Variants in ACAP2 observed in about 807,000 individuals in gnomAD.
ACAP2 encodes ArfGAP with coiled-coil, ankyrin repeat and PH domains 2, also known as arf-GAP with coiled-coil, ANK repeat and PH domain-containing protein 2.
ACAP2 carries 39 observed loss-of-function variants against 115.8 expected under a neutral mutation model. The observed-to-expected ratio is 0.34, with a 90% confidence interval of 0.26 to 0.44. ACAP2 has a LOEUF of 0.44. Ranked by LOEUF, ACAP2 falls within the 20% of genes least tolerant of loss-of-function variation. The pLI is 1.00. For missense variants in ACAP2, 662 were observed against 927.6 expected, an observed-to-expected ratio of 0.71 and a Z score of 3.72; for synonymous variants, 289 against 315.8, an observed-to-expected ratio of 0.92 and a Z score of 0.90.
chr3:195,320,261 C>T (rs1729363935), intron 10 of ACAP2, among the ~76,000 whole-genome samples: 1 of 151,970 alleles, frequency 6.6e-6, no homozygotes, highest in Non-Finnish European at 1.5e-5. Context: ...TAAGCAAACA[C>T]TAAGTAAAAA....
chr3:195,363,287 T>C (rs1221382748), intron 4 of ACAP2, among the ~76,000 whole-genome samples: 1 of 152,224 alleles, frequency 6.6e-6, no homozygotes, highest in East Asian at 1.9e-4. Flanking sequence ...TGCAAAATGT[T>C]GAAGAGGACA....
intron 6 of ACAP2, among the ~76,000 whole-genome samples, chr3:195,337,718 A>C (rs1438171383): frequency 2.0e-5 from 3 of 152,210 alleles, no homozygotes; most frequent in Non-Finnish European, 4.4e-5. Flanking sequence ...AAGTGCTGGA[A>C]CTACAGGCGT....
rs918322197 is a variant in ACAP2, at chr3:195,346,340, G to A, written c.286-1023C>T. Reference sequence around the variant, plus strand: ...AGAATCAAAAAATTTGGTTCTTAGCGAATATTATAAAATTGATAAACCTCT... The same window carrying A: ...AGAATCAAAAAATTTGGTTCTTAGCAAATATTATAAAATTGATAAACCTCT... On this transcript the variant is annotated intron_variant, in intron 4 of 22. Coordinates refer to ENST00000326793, the MANE Select transcript of ACAP2 (RefSeq NM_012287.6). Among the ~76,000 whole-genome samples, 4 of 152,102 alleles carry A rather than the reference G, an allele frequency of 2.6e-5. No individual in the cohort carries two copies. The East Asian group carries it at 5.8e-4, about 22-fold the overall frequency.
At chr3:195,383,491 T>C (rs981646694) in intron 2 of ACAP2, among the ~76,000 whole-genome samples, 2 of 151,924 alleles carry the variant, frequency 1.3e-5, no homozygotes, top group East Asian at 1.9e-4. Flanking sequence ...AGAAATTAAA[T>C]TGTATTACAG....
intron 19 of ACAP2, 78 bp from the exon 20 acceptor site, chr3:195,291,893 T>C (rs1173635583): frequency 9.6e-6 from 12 of 1,247,558 alleles, no homozygotes; most frequent in African/African-American, 1.5e-5. Context: ...TAAAAACAAT[T>C]GGTTTTCGTT....
At chr3:195,398,766 G>C (rs146375469) in intron 1 of ACAP2, among the ~76,000 whole-genome samples, 64 of 152,234 alleles carry the variant, frequency 4.2e-4, no homozygotes, top group African/African-American at 1.5e-3. Context: ...TACAAATGTT[G>C]TAACTGCTCC....
At chr3:195,291,907 C>T in intron 19 of ACAP2, 92 bp from the exon 20 acceptor site, 1 of 1,067,506 alleles carries the variant, frequency 9.4e-7, no homozygotes, top group Non-Finnish European at 1.3e-6. Flanking sequence ...TTTCGTTACT[C>T]AAATAGCATT....
chr3:195,335,114 T>A (rs1730417302), intron 7 of ACAP2, among the ~76,000 whole-genome samples: 1 of 152,214 alleles, frequency 6.6e-6, no homozygotes, highest in South Asian at 2.1e-4. Flanking sequence ...GAAAATTATA[T>A]GAAATTCAAA....
intron 9 of ACAP2, chr3:195,326,194 TTA>T (rs1729782336): frequency 6.6e-6 from 1 of 152,240 alleles, no homozygotes; most frequent in African/African-American, 2.4e-5. Context: ...CTGTGCGTAC[TTA>T]TATTTCTATA....
intron 4 of ACAP2, among the ~76,000 whole-genome samples, chr3:195,350,542 A>G (rs374056262): frequency 5.3e-5 from 8 of 151,854 alleles, no homozygotes; most frequent in African/African-American, 1.7e-4. Flanking sequence ...CCAGCTACTC[A>G]GGAGGCTAAG....
chr3:195,416,375 C>T (rs903302881), intron 1 of ACAP2, among the ~76,000 whole-genome samples: 1 of 151,314 alleles, frequency 6.6e-6, no homozygotes, highest in South Asian at 2.1e-4. Context: ...ACATCACCAT[C>T]GGTTAAGAAA....
chr3:195,427,212 A>C (rs1488685508), intron 1 of ACAP2, among the ~76,000 whole-genome samples: 1 of 152,168 alleles, frequency 6.6e-6, no homozygotes, highest in Non-Finnish European at 1.5e-5. Flanking sequence ...GGTATAAAAA[A>C]CTAAAATAAA....
At chr3:195,330,921 T>C (rs1479578062) in intron 8 of ACAP2, among the ~76,000 whole-genome samples, 1 of 152,214 alleles carries the variant, frequency 6.6e-6, no homozygotes, top group Non-Finnish European at 1.5e-5. Flanking sequence ...CAGCTAAAGC[T>C]TGATTAGCCA....
At chr3:195,291,095 G>A (rs1727223315) in intron 20 of ACAP2, among the ~76,000 whole-genome samples, 1 of 152,200 alleles carries the variant, frequency 6.6e-6, no homozygotes, top group African/African-American at 2.4e-5. Flanking sequence ...CGGATACCCT[G>A]AGATATCTTA....
chr3:195,342,690 T>C (rs776864151), intron 5 of ACAP2, 36 bp from the exon 6 acceptor site: 6 of 1,541,950 alleles, frequency 3.9e-6, no homozygotes, highest in Non-Finnish European at 4.4e-6. Context: ...CTTTTATAAC[T>C]TGCTTCATTA....
intron 6 of ACAP2, among the ~76,000 whole-genome samples, chr3:195,338,608 C>G (rs1365768613): frequency 6.6e-6 from 1 of 152,094 alleles, no homozygotes; most frequent in Non-Finnish European, 1.5e-5. Context: ...GGAATGAGCC[C>G]CTGCACCCGG....
chr3:195,436,342 C>T (rs1162842104), intron 1 of ACAP2, among the ~76,000 whole-genome samples: 1 of 151,834 alleles, frequency 6.6e-6, no homozygotes, highest in East Asian at 1.9e-4. Flanking sequence ...TCATGTTGCC[C>T]AGCCTGGTCT....
intron 14 of ACAP2, 22 bp downstream of exon 14, chr3:195,301,938 AATTCTC>A: frequency 6.2e-7 from 1 of 1,600,090 alleles, no homozygotes; most frequent in Non-Finnish European, 8.5e-7. Flanking sequence ...CAAAAGAAGA[AATTCTC>A]ATCCTGGGCA....
At chr3:195,382,375 A>G (rs1046223293) in intron 2 of ACAP2, among the ~76,000 whole-genome samples, 12 of 152,120 alleles carry the variant, frequency 7.9e-5, no homozygotes, top group African/African-American at 2.9e-4. Context: ...GTATTCAAAA[A>G]AAAAAAATGT....
Sources: allele counts gnomAD v4.1 joint callset (sites outside exome capture counted in the v4.1 genomes callset), GRCh38; gene constraint gnomAD v4.1.1; transcripts MANE v1.5; gene names NCBI Gene and HGNC (gene_info 2026-07-23, HGNC 2026-07-21).